The following CCSER2 variants were observed in gnomAD, a reference collection of about 807,000 sequenced individuals.
CCSER2 encodes serine-rich coiled-coil domain-containing protein 2.
CCSER2 carries 46 observed loss-of-function variants against 92.3 expected under a neutral mutation model. The observed-to-expected ratio is 0.50, with a 90% CI of 0.39 to 0.64. The LOEUF is 0.64. Among genes scored for constraint, CCSER2 ranks in the 30% least tolerant of loss-of-function variants. The pLI, the probability that CCSER2 is intolerant of heterozygous loss-of-function variation, is 0.00. For synonymous variants in CCSER2, 433 were observed against 431.4 expected (o/e 1.00, Z -0.04); for missense variants, 1,244 against 1,238.9 (o/e 1.00, Z -0.06).
intron 9 of CCSER2, among the ~76,000 whole-genome samples, chr10:84,498,547 C>T (rs77296510): frequency 0.03 from 4,601 of 151,676 alleles, 131 homozygotes; most frequent in Non-Finnish European, 0.043. Flanking sequence ...TTTGATTATA[C>T]CTGAGTCAAA....
At chr10:84,498,153 A>T (rs997641005) in intron 9 of CCSER2, among the ~76,000 whole-genome samples, 1 of 152,220 alleles carries the variant, frequency 6.6e-6, no homozygotes, top group African/African-American at 2.4e-5. Context: ...TTACCATCTG[A>T]AAGTTTCTTT....
At chr10:84,329,278 ATCT>A (rs1374564317) in intron 1 of CCSER2, among the ~76,000 whole-genome samples, 1 of 152,218 alleles carries the variant, frequency 6.6e-6, no homozygotes. Context: ...GTAGGTTCAG[ATCT>A]TCTCTCTTGT....
chr10:84,340,574 G>A (rs78087948), intron 1 of CCSER2, among the ~76,000 whole-genome samples: 152 of 151,238 alleles, frequency 1.0e-3, no homozygotes, highest in Non-Finnish European at 1.9e-3. Flanking sequence ...GAGACTTGTT[G>A]ATGATTTATT....
At chr10:84,403,053 G>A (rs1842201090) in intron 3 of CCSER2, among the ~76,000 whole-genome samples, 1 of 152,168 alleles carries the variant, frequency 6.6e-6, no homozygotes, top group Non-Finnish European at 1.5e-5. Context: ...TCTACCTGAT[G>A]TAAAGACTTA....
chr10:84,471,025 G>A (rs972758103), intron 8 of CCSER2, among the ~76,000 whole-genome samples: 9 of 151,992 alleles, frequency 5.9e-5, no homozygotes, highest in Non-Finnish European at 7.4e-5. Context: ...TACTTAGTTT[G>A]TATATAAAAG....
chr10:84,442,712 T>G (rs35307661), intron 6 of CCSER2, among the ~76,000 whole-genome samples: 31,898 of 152,130 alleles, frequency 0.21, 3,598 homozygotes, highest in Admixed American at 0.34. Flanking sequence ...AAAAATGTAG[T>G]ATGCTCACAC....
chr10:84,404,026 T>C (rs1233978351), intron 3 of CCSER2, among the ~76,000 whole-genome samples: 2 of 152,196 alleles, frequency 1.3e-5, no homozygotes, highest in Non-Finnish European at 2.9e-5. Context: ...TCTTTGAAAA[T>C]AGGGTTGCCA....
At chr10:84,333,357 T>C (rs11200995) in intron 1 of CCSER2, among the ~76,000 whole-genome samples, 50,445 of 151,914 alleles carry the variant, frequency 0.33, 9,896 homozygotes, top group African/African-American at 0.55. Context: ...TTACCTAATC[T>C]TCACAGCAAC....
chr10:84,477,874 T>A (rs927471911), intron 9 of CCSER2, among the ~76,000 whole-genome samples: 4 of 152,332 alleles, frequency 2.6e-5, no homozygotes, highest in Non-Finnish European at 5.9e-5. Context: ...TGCATTTTAA[T>A]AGCTTTTTCA....
chr10:84,340,822 G>T (rs1417467196), intron 1 of CCSER2, among the ~76,000 whole-genome samples: 1 of 151,956 alleles, frequency 6.6e-6, no homozygotes, highest in African/African-American at 2.4e-5. Flanking sequence ...ATGAGTTACT[G>T]AGTTCAACAA....
chr10:84,507,331 G>A (rs934142904), intron 9 of CCSER2: 3 of 984,902 alleles, frequency 3.0e-6, no homozygotes, highest in East Asian at 1.1e-4. Flanking sequence ...CTGACAAAGC[G>A]TGGTACAGTA....
intron 1 of CCSER2, among the ~76,000 whole-genome samples, chr10:84,355,406 G>T (rs1458460443): frequency 6.6e-6 from 1 of 152,090 alleles, no homozygotes; most frequent in Non-Finnish European, 1.5e-5. Context: ...CACATTCAGT[G>T]TCTTTATTTC....
chr10:84,475,017 C>T (rs901040287), intron 8 of CCSER2, among the ~76,000 whole-genome samples: 3 of 152,174 alleles, frequency 2.0e-5, no homozygotes, highest in African/African-American at 7.2e-5. Context: ...CATTCATGGT[C>T]ACAAGATGTC....
intron 1 of CCSER2, among the ~76,000 whole-genome samples, chr10:84,354,886 C>G (rs1845077415): frequency 6.6e-6 from 1 of 151,562 alleles, no homozygotes; most frequent in African/African-American, 2.4e-5. Flanking sequence ...ACATCATGTC[C>G]AGTCAGACAA....
intron 9 of CCSER2, among the ~76,000 whole-genome samples, chr10:84,501,712 CCTG>C: frequency 7.0e-6 from 1 of 143,186 alleles, no homozygotes; most frequent in Non-Finnish European, 1.5e-5. Context: ...ACTAGTAAGA[CCTG>C]CTTTTTTTTT....
At chr10:84,469,678 G>A (rs1159375895) in intron 7 of CCSER2, among the ~76,000 whole-genome samples, 3 of 152,084 alleles carry the variant, frequency 2.0e-5, no homozygotes, top group Admixed American at 2.0e-4. Context: ...TAACTATAGG[G>A]TAATGATTAA....
intron 8 of CCSER2, among the ~76,000 whole-genome samples, chr10:84,475,051 C>T (rs1847056137): frequency 1.3e-5 from 2 of 152,170 alleles, no homozygotes; most frequent in East Asian, 1.9e-4. Context: ...GTCACATTCT[C>T]ACACAGTAAT....
intron 3 of CCSER2, among the ~76,000 whole-genome samples, chr10:84,382,041 C>G (rs910441666): frequency 6.6e-6 from 1 of 152,034 alleles, no homozygotes; most frequent in African/African-American, 2.4e-5. Flanking sequence ...GGAGAGGACT[C>G]TTGGAAGCTT....
Position 84,428,625 on chromosome 10 carries a change from T to C in CCSER2, c.1868+2732T>C, listed in dbSNP as rs773279840. Among the ~76,000 whole-genome samples the C allele has an allele frequency of 3.3e-5, 5 of 152,346 alleles. No homozygotes were observed. The South Asian group carries it at 8.3e-4, about 25-fold the overall frequency. On this transcript the variant is annotated intron_variant, in intron 5 of 9. Coordinates refer to ENST00000372088, the MANE Select transcript of CCSER2 (RefSeq NM_001284240.2). ...CTTTTTATCTTTTGCATAATTGCTA[T>C]GGCTACAACCTCTGTTGAGTAGAAG... is the stretch of plus-strand genomic sequence containing the variant.
Sources: gnomAD v4.1 joint callset for allele counts (sites outside exome capture counted in the v4.1 genomes callset) on GRCh38, gnomAD v4.1.1 for gene constraint, MANE v1.5 for transcripts, NCBI Gene and HGNC (gene_info 2026-07-23, HGNC 2026-07-21) for gene names.